NELL1: variants seen among roughly 807,000 people sequenced by gnomAD.
The protein encoded by NELL1 is neural EGFL like 1, also known as protein kinase C-binding protein NELL1.
A neutral mutation model predicts 107.4 loss-of-function variants in NELL1; 76 were observed. The ratio of observed to expected loss-of-function variants is 0.71; its 90% confidence interval spans 0.59 to 0.86. The LOEUF (loss-of-function observed/expected upper bound fraction) is 0.86. Among genes scored for constraint, NELL1 ranks in the 40% least tolerant of loss-of-function variants. The probability of loss-of-function intolerance (pLI) is 0.00; values close to 1 mark genes in which losing one functional copy is unlikely to be tolerated. For synonymous variants in NELL1, 353 were observed against 341.2 expected, an observed-to-expected ratio of 1.03 and a Z score of -0.38; for missense variants, 1,024 against 1,005.5, an observed-to-expected ratio of 1.02 and a Z score of -0.25.
chr11:21,201,117 G>A (rs1857260214), intron 13 of NELL1, among the ~76,000 whole-genome samples: 1 of 151,982 alleles, frequency 6.6e-6, no homozygotes, highest in South Asian at 2.1e-4. Flanking sequence ...CATGCGGGCT[G>A]TTTTTTGGTT....
intron 13 of NELL1, among the ~76,000 whole-genome samples, chr11:21,153,427 T>C (rs555582092): frequency 1.3e-5 from 2 of 152,234 alleles, no homozygotes; most frequent in East Asian, 1.9e-4. Context: ...AGAAAAATCA[T>C]TTATTTCATT....
At chr11:21,294,857 A>C (rs1230697551) in intron 14 of NELL1, among the ~76,000 whole-genome samples, 1 of 152,098 alleles carries the variant, frequency 6.6e-6, no homozygotes, top group Non-Finnish European at 1.5e-5. Flanking sequence ...CTTTTGAAAA[A>C]AATACTATAG....
chr11:21,575,162 C>T lies in NELL1; in HGVS notation c.*140C>T, dbSNP rs1020260969. On this transcript the variant is annotated 3_prime_UTR_variant, in exon 20 of 20. Coordinates refer to ENST00000357134, the MANE Select transcript of NELL1 (RefSeq NM_006157.5). ...AATTGCCAAAGTTTCCACCTGAGGA[C>T]GGTGTTTGGAGGTTGCCTTTTGGAC... The T allele has an allele frequency of 6.5e-6, 5 of 771,704 alleles. No homozygotes were observed. Among genetic ancestry groups the T allele is most frequent in the African/African-American group, 1.7e-5 (1 of 57,702 alleles). The allele number at this position is 771,704 out of a possible 1,614,324, so 47.8% of individuals were successfully genotyped here.
At chr11:21,152,280 C>T in intron 13 of NELL1, among the ~76,000 whole-genome samples, 1 of 152,088 alleles carries the variant, frequency 6.6e-6, no homozygotes, top group East Asian at 1.9e-4. Context: ...TTTCCTGATC[C>T]CAATTCTCTC....
chr11:21,335,851 G>T (rs10437584), intron 14 of NELL1, among the ~76,000 whole-genome samples: 29,690 of 151,936 alleles, frequency 0.2, 3,416 homozygotes, highest in South Asian at 0.27. Flanking sequence ...ATCTCTGTTT[G>T]CATGTTCAGC....
intron 5 of NELL1, among the ~76,000 whole-genome samples, chr11:20,900,760 T>A (rs60652265): frequency 0.079 from 12,093 of 152,170 alleles, 800 homozygotes; most frequent in African/African-American, 0.18. Flanking sequence ...AGTGTATGTA[T>A]GCGTGTGTGT....
intron 16 of NELL1, among the ~76,000 whole-genome samples, chr11:21,544,832 A>G (rs1348341306): frequency 6.6e-6 from 1 of 151,928 alleles, no homozygotes; most frequent in Non-Finnish European, 1.5e-5. Flanking sequence ...CTAGGAATTT[A>G]TAGAAAACCT....
At chr11:20,984,702 A>T (rs757741754) in intron 12 of NELL1, among the ~76,000 whole-genome samples, 8 of 150,268 alleles carry the variant, frequency 5.3e-5, no homozygotes, top group Non-Finnish European at 1.0e-4. Context: ...ATGAGTCATC[A>T]CCATCCTGTG....
chr11:20,787,007 C>A (rs78840096), intron 3 of NELL1, among the ~76,000 whole-genome samples: 47 of 60,848 alleles, frequency 7.7e-4, no homozygotes, highest in East Asian at 2.2e-3. Flanking sequence ...GACTCCGTCT[C>A]AAAAAAAAAA....
chr11:21,059,071 C>T (rs2134359415), intron 12 of NELL1, among the ~76,000 whole-genome samples: 2 of 152,168 alleles, frequency 1.3e-5, no homozygotes, highest in South Asian at 4.2e-4. Flanking sequence ...TAATAATATA[C>T]TGGGCACAGG....
chr11:21,290,389 AAATAAATAG>A (rs1288391315), intron 14 of NELL1, among the ~76,000 whole-genome samples: 6 of 88,560 alleles, frequency 6.8e-5, no homozygotes, highest in African/African-American at 1.8e-4. Context: ...TAAATAAATA[AAATAAATAG>A]ATAAATAAAT....
chr11:20,987,620 C>G (rs1297571554), intron 12 of NELL1, among the ~76,000 whole-genome samples: 1 of 152,114 alleles, frequency 6.6e-6, no homozygotes, highest in Non-Finnish European at 1.5e-5. Flanking sequence ...TGGAGGTAAC[C>G]ACTCCGATGA....
chr11:20,909,505 T>C (rs113098649), intron 5 of NELL1, among the ~76,000 whole-genome samples: 3 of 152,126 alleles, frequency 2.0e-5, no homozygotes, highest in African/African-American at 7.2e-5. Flanking sequence ...AAGAAGAATC[T>C]TGGTTTCAAG....
chr11:21,192,787 G>A (rs1353870991), intron 13 of NELL1, among the ~76,000 whole-genome samples: 2 of 151,636 alleles, frequency 1.3e-5, no homozygotes, highest in Non-Finnish European at 2.9e-5. Flanking sequence ...ACTTTTTTCT[G>A]GGCATACAAT....
chr11:20,724,264 A>G (rs1013331755), intron 2 of NELL1, among the ~76,000 whole-genome samples: 2 of 152,126 alleles, frequency 1.3e-5, no homozygotes, highest in African/African-American at 4.8e-5. Context: ...GCCAGCTTGA[A>G]CTTCTCCCCA....
intron 14 of NELL1, among the ~76,000 whole-genome samples, chr11:21,287,946 C>G (rs537001765): frequency 4.4e-4 from 66 of 150,890 alleles, no homozygotes; most frequent in African/African-American, 1.5e-3. Flanking sequence ...AGGATAGGGA[C>G]AGGCTCTTAG....
At position 21,065,447 on chromosome 11, in the gene NELL1, G is replaced by A. The variant is rs115384794; in HGVS notation, c.1301-48142G>A. On this transcript the variant is annotated intron_variant, in intron 12 of 19. Transcript: ENST00000357134. ...AATACGGTCTGTTTATGTCATTGTG[G>A]AACTATTTTCCACTCTGATTCAGTG... 5.5e-3 allele frequency among the ~76,000 whole-genome samples: 833 copies of A among 152,094 alleles called. 6 individuals carry two copies. The highest frequency in any genetic ancestry group is 0.019 in the African/African-American group (798 of 41,482).
intron 13 of NELL1, among the ~76,000 whole-genome samples, chr11:21,133,010 T>G (rs1855660138): frequency 6.6e-6 from 1 of 152,114 alleles, no homozygotes; most frequent in East Asian, 1.9e-4. Flanking sequence ...GTCATCCCAA[T>G]GAGTATCTGG....
chr11:21,173,206 ATCC>A (rs1219323045), intron 13 of NELL1, among the ~76,000 whole-genome samples: 5 of 151,812 alleles, frequency 3.3e-5, no homozygotes, highest in African/African-American at 4.9e-5. Flanking sequence ...TGCTCCAGGC[ATCC>A]TCATTTAAAA....
Sources: gnomAD v4.1 joint callset for allele counts (sites outside exome capture counted in the v4.1 genomes callset) on GRCh38, gnomAD v4.1.1 for gene constraint, MANE v1.5 for transcripts, NCBI Gene and HGNC (gene_info 2026-07-23, HGNC 2026-07-21) for gene names.